The following PCOLCE variants were observed in gnomAD, a reference collection of about 807,000 sequenced individuals.
PCOLCE encodes procollagen C-endopeptidase enhancer.
In PCOLCE, 33 loss-of-function variants were observed where a neutral mutation model predicts 47.2. The observed-to-expected ratio is 0.70, with a 90% CI of 0.53 to 0.93. The LOEUF is 0.93. PCOLCE is among the 40% of genes least tolerant of loss of function. The pLI, the probability that PCOLCE is intolerant of heterozygous loss-of-function variation, is 0.00. For synonymous variants in PCOLCE, 254 were observed against 252.5 expected (o/e 1.01, Z -0.06); for missense variants, 584 against 585.3 (o/e 1.00, Z 0.02).
At chr7:100,606,675 C>T (rs370105567) in intron 6 of PCOLCE, 45 bp downstream of exon 6, 392 of 1,463,492 alleles carry the variant, frequency 2.7e-4, no homozygotes, top group Non-Finnish European at 3.5e-4. Flanking sequence ...CTGAAGGGGG[C>T]CATTTCAAAA....
chr7:100,608,065 C>A lies in PCOLCE; in HGVS notation c.1312C>A (p.Pro438Thr). ...ILTNLSKRKC[P>T]SQPVRAAASQ... ...CACCAACCTAAGCAAGAGGAAGTGC[C>A]CCTCTCAACCTGTGCGGGCTGCTGC... Residue 438 changes from proline (P) to threonine (T), a missense_variant, in exon 9 of 9, where the codon CCC becomes ACC. Transcript: ENST00000223061. The A allele has an allele frequency of 6.2e-7, 1 of 1,613,900 alleles. No homozygotes were observed. The highest frequency in any genetic ancestry group is 8.5e-7 in the Non-Finnish European group (1 of 1,180,032).
In PCOLCE at chr7:100,607,682, G is replaced by C; in HGVS notation, c.1058G>C (p.Gly353Ala). ...TCCATGGTTCGGGAGCCAGGGGAGG[G>C]CCTTGCCGTGACTGTCAGTCTTATT... The part of the protein sequence containing the change: ...VKSMVREPGE[G>A]LAVTVSLIGA... Residue 353 changes from glycine to alanine, a missense_variant, in exon 8 of 9, where the codon GGC becomes GCC. Gly to Ala is a moderately conservative substitution (Grantham distance 60). Coordinates refer to ENST00000223061, the MANE Select transcript of PCOLCE (RefSeq NM_002593.4). The C allele has an allele frequency of 6.2e-7, 1 of 1,614,084 alleles. No individual in the cohort carries two copies. The highest frequency in any genetic ancestry group is 1.7e-5 in the Admixed American group (1 of 59,998).
Position 100,603,974 on chromosome 7 carries a change from A to C in PCOLCE, c.220A>C (p.Thr74Pro). The C allele has an allele frequency of 2.5e-6, 4 of 1,602,000 alleles. No homozygotes were observed. Among genetic ancestry groups the C allele is most frequent in the Non-Finnish European group, 3.4e-6 (4 of 1,179,878 alleles). Residue 74 changes from threonine to proline, a missense_variant, in exon 3 of 9, where the codon ACT (threonine) becomes CCT (proline). Coordinates refer to ENST00000223061, the MANE Select transcript of PCOLCE (RefSeq NM_002593.4). ...IWTITVPEGQ[T>P]VSLSFRVFDL... ...CCGCTATCAGGTCCCCGAGGGCCAG[A>C]CTGTGTCCCTCTCATTCCGAGTCTT...
rs777253690 is a variant in PCOLCE at position 100,605,256 on chromosome 7, C to T, written c.588+41C>T. ...CCCGGGCTGCCCTAGGGGACCCAGG[C>T]GGCGCCCTCCAGCTTGCAGCCAGCA... On this transcript the variant is annotated intron_variant, in intron 4 of 8. Transcript: ENST00000223061. The surrounding 1 kb of genome is among the most constrained non-coding windows in gnomAD (Gnocchi z 6.1). 1.5e-5 allele frequency: 24 copies of T among 1,578,534 alleles called. No individual in the cohort carries two copies. The highest frequency in any genetic ancestry group is 1.7e-4 in the Middle Eastern group (1 of 5,910).
Position 100,607,512 on chromosome 7 carries a change from C to T in PCOLCE, c.1001C>T (p.Ala334Val), listed in dbSNP as rs1377790619. 5 of 1,614,042 alleles carry T rather than the reference C, an allele frequency of 3.1e-6. No individual in the cohort carries two copies. Among genetic ancestry groups the T allele is most frequent in the South Asian group, 1.1e-5 (1 of 91,074 alleles). ...RTGTLQSNFCASSLVVTATVK... is the reference protein window; with the variant it reads ...RTGTLQSNFCVSSLVVTATVK... ...GGCACCTTGCAGAGCAACTTCTGTGCCAGCAGCCTTGGTAAGAATACCCCC... is the reference window on the plus strand; with the variant it reads ...GGCACCTTGCAGAGCAACTTCTGTGTCAGCAGCCTTGGTAAGAATACCCCC... Residue 334 changes from alanine to valine, a missense_variant, in exon 7 of 9, where the codon GCC (alanine) becomes GTC (valine). Coordinates refer to ENST00000223061, the MANE Select transcript of PCOLCE (RefSeq NM_002593.4).
rs941090706 is a variant in PCOLCE, at chr7:100,606,193, T to C, written c.726-223T>C. On this transcript the variant is annotated intron_variant, in intron 5 of 8. Transcript: ENST00000223061. ...AAAATACAAAATAATTAGCTGGGCA[T>C]GGTGGCGTGCCTGTAGTCCCAGCAA... The C allele has an allele frequency of 6.1e-5, 34 of 560,392 alleles. No homozygotes were observed. In the East Asian group the frequency reaches 1.0e-3, roughly 17 times the overall value. The allele number at this position is 560,392 out of a possible 1,614,324, so 34.7% of individuals were successfully genotyped here.
rs1802693566 is a variant in PCOLCE, at chr7:100,605,247, G to A, written c.588+32G>A. 5.0e-6 allele frequency: 8 copies of A among 1,588,856 alleles called. No individual in the cohort carries two copies. Among genetic ancestry groups the A allele is most frequent in the Non-Finnish European group, 6.9e-6 (8 of 1,162,950 alleles). On this transcript the variant is annotated intron_variant, in intron 4 of 8. Transcript: ENST00000223061. This position sits in a 1 kb window ranked among gnomAD's most constrained non-coding sequence, Gnocchi z 6.1. ...ACCCTCCTCCCCGGGCTGCCCTAGG[G>A]GACCCAGGCGGCGCCCTCCAGCTTG...
chr7:100,604,437 C>CCA lies in PCOLCE; in HGVS notation c.463+220_463+221insCA. 1.6e-6 allele frequency: 1 copy of CCA among 631,792 alleles called. No homozygotes were observed. Among genetic ancestry groups the CCA allele is most frequent in the East Asian group, 2.8e-5 (1 of 36,158 alleles). 39.1% of individuals were successfully genotyped at this position (631,792 alleles called of 1,614,324 possible). ...CCCATCCCTCTTCCAGGGCCCCCCC[C>CCA]AGGCGCGAGGCGGAAATGGGTCACC... On this transcript the variant is annotated intron_variant, in intron 3 of 8. Coordinates refer to ENST00000223061, the MANE Select transcript of PCOLCE (RefSeq NM_002593.4). The surrounding 1 kb of genome is among the most constrained non-coding windows in gnomAD (Gnocchi z 6.4).
intron 1 of PCOLCE, 171 bp downstream of exon 1, chr7:100,602,722 T>G (rs1458829833): frequency 8.2e-6 from 5 of 608,034 alleles, no homozygotes; most frequent in Non-Finnish European, 1.5e-5. Context: ...TGCAAGACCT[T>G]GGTCTCCTGC....
At chr7:100,603,378 TC>T in intron 1 of PCOLCE, 51 bp from the exon 2 acceptor site, 1 of 883,842 alleles carries the variant, frequency 1.1e-6, no homozygotes. Flanking sequence ...TTGCCAGTGC[TC>T]CCCCGTCCCA....
rs142335229 is a variant in PCOLCE, at chr7:100,606,511, C to T, written c.821C>T (p.Pro274Leu). 5.1e-5 allele frequency: 83 copies of T among 1,614,020 alleles called. No individual in the cohort carries two copies. Among genetic ancestry groups the T allele is most frequent in the African/African-American group, 1.1e-4 (8 of 74,942 alleles). The change falls in exon 6 of 9, where the codon CCG becomes CTG. Residue 274 changes from proline (P) to leucine (L), a missense_variant. Coordinates refer to ENST00000223061, the MANE Select transcript of PCOLCE (RefSeq NM_002593.4). The stretch of plus-strand genomic sequence containing the variant: ...TTCTCAGCCTCCTACAAGACCCTGC[C>T]GCGGGGCACTGCCAAAGAAGGGCAA... ...DGFSASYKTL[P>L]RGTAKEGQGP...
At position 100,603,470 on chromosome 7, in the gene PCOLCE, G is replaced by C; in HGVS notation, c.136G>C (p.Gly46Arg). 6.2e-7 allele frequency: 1 copy of C among 1,606,972 alleles called. No individual in the cohort carries two copies. The highest frequency in any genetic ancestry group is 2.3e-5 in the East Asian group (1 of 44,270). ...CGGAGGGGATGTGAAGGGGGAATCA[G>C]GTTACGTGGCAAGTGAGGGGTTCCC... ...LCGGDVKGES[G>R]YVASEGFPNL... The change falls in exon 2 of 9, where the codon GGT becomes CGT. Residue 46 changes from glycine (G) to arginine (R), a missense_variant. By Grantham distance (125) the Gly-to-Arg change is moderately radical (BLOSUM62 -2). Transcript: ENST00000223061.
At chr7:100,606,073 A>C in intron 5 of PCOLCE, 1 of 557,742 alleles carries the variant, frequency 1.8e-6, no homozygotes. Context: ...TCATGCCTGT[A>C]ATCATAGCAC....
intron 5 of PCOLCE, 172 bp from the exon 6 acceptor site, chr7:100,606,244 A>G (rs1164859406): frequency 1.7e-6 from 1 of 581,778 alleles, no homozygotes; most frequent in Non-Finnish European, 3.1e-6. Context: ...CAGGAGGATT[A>G]CTTGAACCCA....
rs867279717 is a variant in PCOLCE, at chr7:100,605,727, C to A, written c.640C>A (p.Arg214Ser). 6.4e-7 allele frequency: 1 copy of A among 1,573,476 alleles called. No homozygotes were observed. Among genetic ancestry groups the A allele is most frequent in the East Asian group, 2.3e-5 (1 of 42,560 alleles). ...KFDLEPDTYC[R>S]YDSVSVFNGA... is the part of the protein sequence containing the mutation. ...TGACCTGGAGCCGGACACCTACTGCCGCTATGACTCGGTCAGCGTGTTCAA... is the reference window on the plus strand; with the variant it reads ...TGACCTGGAGCCGGACACCTACTGCAGCTATGACTCGGTCAGCGTGTTCAA... Residue 214 changes from arginine to serine, a missense_variant, in exon 5 of 9, where the codon CGC becomes AGC. Arg to Ser is a moderately radical substitution (Grantham distance 110, BLOSUM62 -1). Coordinates refer to ENST00000223061, the MANE Select transcript of PCOLCE (RefSeq NM_002593.4). The surrounding 1 kb of genome is among the most constrained non-coding windows in gnomAD (Gnocchi z 6.1).
Position 100,603,431 on chromosome 7 carries a change from C to A in PCOLCE, c.97C>A (p.Pro33Thr). 1 of 1,581,712 alleles carries A rather than the reference C, an allele frequency of 6.3e-7. No homozygotes were observed. Among genetic ancestry groups the A allele is most frequent in the Non-Finnish European group, 8.6e-7 (1 of 1,156,574 alleles). The part of the protein sequence containing the change: ...AQGQTPNYTR[P>T]VFLCGGDVKG... ...CCTGACCCCTTTTCTGTTCTCCAGA[C>A]CCGTGTTCCTGTGCGGAGGGGATGT... Residue 33 changes from proline (P) to threonine (T), a missense_variant and splice_region_variant, in exon 2 of 9, where the codon CCC becomes ACC. Transcript: ENST00000223061.
chr7:100,604,410 C>A lies in PCOLCE; in HGVS notation c.463+193C>A. The A allele has an allele frequency of 3.2e-6, 2 of 631,728 alleles. No homozygotes were observed. The highest frequency in any genetic ancestry group is 5.6e-6 in the Non-Finnish European group (2 of 358,936). The allele number at this position is 631,728 out of a possible 1,614,324, so 39.1% of individuals were successfully genotyped here. ...GTCTTCTCTCCCCTCCTCCCGCACC[C>A]ACCCATCCCTCTTCCAGGGCCCCCC... On this transcript the variant is annotated intron_variant, in intron 3 of 8. Coordinates refer to ENST00000223061, the MANE Select transcript of PCOLCE (RefSeq NM_002593.4). The surrounding 1 kb of genome is among the most constrained non-coding windows in gnomAD (Gnocchi z 6.4).
chr7:100,606,631 G>T lies in PCOLCE; in HGVS notation c.940+1G>T. 1 of 1,601,994 alleles carries T rather than the reference G, an allele frequency of 6.2e-7. No homozygotes were observed. The highest frequency in any genetic ancestry group is 1.1e-5 in the South Asian group (1 of 90,014). ...ACAGAGGAATCTCCTTCAGCCCCTG[G>T]TGAGTCTGGGATAGGGGAGGAAGGG... On this transcript the variant is annotated splice_donor_variant, in intron 6 of 8. Transcript: ENST00000223061. LOFTEE classifies it high-confidence loss of function.
At position 100,607,443 on chromosome 7, in the gene PCOLCE, C is replaced by G; in HGVS notation, c.941-9C>G. ...TGAGCAGGTCACCCTCCACCCTCCTCCCTCCTAGATGCACCCACCTGCCCA... is the reference window on the plus strand; with the variant it reads ...TGAGCAGGTCACCCTCCACCCTCCTGCCTCCTAGATGCACCCACCTGCCCA... On this transcript the variant is annotated splice_polypyrimidine_tract_variant and intron_variant, in intron 6 of 8. Coordinates refer to ENST00000223061, the MANE Select transcript of PCOLCE (RefSeq NM_002593.4). 1 of 1,612,468 alleles carries G rather than the reference C, an allele frequency of 6.2e-7. No individual in the cohort carries two copies.
Sources: gnomAD v4.1 joint callset for allele counts on GRCh38, gnomAD v4.1.1 for gene constraint, Gnocchi (gnomAD v3.1) non-coding constraint, MANE v1.5 for transcripts, NCBI Gene and HGNC (gene_info 2026-07-23, HGNC 2026-07-21) for gene names.